The following CD99L2 variants were observed in gnomAD, a reference collection of about 807,000 sequenced individuals.
The protein encoded by CD99L2 is CD99 antigen-like protein 2.
Under a neutral mutation model 27.3 loss-of-function variants are expected in CD99L2, and 24 were observed. That is an observed-to-expected ratio of 0.88 (90% CI 0.64 to 1.24). The LOEUF is 1.24. Among genes scored for constraint, CD99L2 ranks in the 50% most tolerant of loss-of-function variants. The pLI is 0.00. For synonymous variants in CD99L2, 97 were observed against 87.9 expected, an observed-to-expected ratio of 1.10 and a Z score of -0.58; for missense variants, 255 against 221.6, an observed-to-expected ratio of 1.15 and a Z score of -0.96.
intron 6 of CD99L2, 107 bp downstream of exon 6, chrX:150,795,099 G>C: frequency 1.1e-6 from 1 of 879,009 alleles, no homozygotes; most frequent in Non-Finnish European, 1.7e-6. Flanking sequence ...ACCATTATAG[G>C]GTTCTCCAGT....
chrX:150,815,287 G>C (rs191303266), intron 3 of CD99L2, among the ~76,000 whole-genome samples: 2 of 112,192 alleles, frequency 1.8e-5, no homozygotes, highest in East Asian at 5.6e-4. Context: ...AGTCCATAAA[G>C]AGGACAACCA....
intron 4 of CD99L2, 140 bp downstream of exon 4, chrX:150,814,722 G>C (rs1378801266): frequency 8.4e-6 from 4 of 478,637 alleles, no homozygotes; most frequent in African/African-American, 2.4e-5. Context: ...AAAGGTTTGA[G>C]AACTACTGTT....
At chrX:150,847,891 C>G (rs1397562851) in intron 1 of CD99L2, among the ~76,000 whole-genome samples, 1 of 111,400 alleles carries the variant, frequency 9.0e-6, no homozygotes, top group Non-Finnish European at 1.9e-5. Flanking sequence ...CACTACCAAG[C>G]CAGGCAGCGA....
At chrX:150,846,716 C>A (rs1206094391) in intron 1 of CD99L2, among the ~76,000 whole-genome samples, 1 of 110,989 alleles carries the variant, frequency 9.0e-6, no homozygotes, top group East Asian at 2.8e-4. Context: ...AGAAAAAAGC[C>A]ACACTCTAAT....
At chrX:150,845,252 G>A (rs1557421440) in intron 1 of CD99L2, among the ~76,000 whole-genome samples, 1 of 111,559 alleles carries the variant, frequency 9.0e-6, no homozygotes, top group East Asian at 2.8e-4. Flanking sequence ...TGGAGTGGGT[G>A]CCAGGGGCTA....
At chrX:150,875,054 C>T (rs1204550620) in intron 1 of CD99L2, among the ~76,000 whole-genome samples, 1 of 111,724 alleles carries the variant, frequency 9.0e-6, no homozygotes, top group Non-Finnish European at 1.9e-5. Context: ...CCTCTTTCCT[C>T]CCTTGGCCTC....
intron 9 of CD99L2, among the ~76,000 whole-genome samples, chrX:150,774,470 A>T (rs1276658859): frequency 1.8e-5 from 2 of 111,836 alleles, no homozygotes; most frequent in Non-Finnish European, 3.8e-5. Context: ...GGCCGTGGGG[A>T]AGGCCATGTG....
chrX:150,846,198 G>GA (rs1437513554), intron 1 of CD99L2, among the ~76,000 whole-genome samples: 4 of 111,587 alleles, frequency 3.6e-5, no homozygotes, highest in African/African-American at 1.3e-4. Flanking sequence ...TCTCAAAAAA[G>GA]AAAAAATAAT....
At chrX:150,834,420 A>ATGCAGAGGT (rs1309262288) in intron 1 of CD99L2, among the ~76,000 whole-genome samples, 5 of 112,313 alleles carry the variant, frequency 4.5e-5, no homozygotes, top group African/African-American at 1.3e-4. Flanking sequence ...CGAACCAGAG[A>ATGCAGAGGT]TGCAGAGGTT....
At position 150,770,290 on chromosome X, in the gene CD99L2, T is replaced by G. The variant is rs782246702; in HGVS notation, c.721+14A>C. The G allele has an allele frequency of 6.7e-5, 81 of 1,203,855 alleles. No homozygotes were observed. In the South Asian group the frequency reaches 1.1e-3, roughly 17 times the overall value. Reference sequence around the variant, plus strand: ...GAAAGCGTCAGCAAGGGACAGTGAGTACAAAGTTCTCACCTTGGGGTTCCT... The same window carrying G: ...GAAAGCGTCAGCAAGGGACAGTGAGGACAAAGTTCTCACCTTGGGGTTCCT... On this transcript the variant is annotated intron_variant, in intron 10 of 10. Coordinates refer to ENST00000370377, the MANE Select transcript of CD99L2 (RefSeq NM_031462.4).
chrX:150,851,223 G>C (rs924085306), intron 1 of CD99L2, among the ~76,000 whole-genome samples: 1 of 111,895 alleles, frequency 8.9e-6, no homozygotes, highest in Non-Finnish European at 1.9e-5. Context: ...CTGTGCCTTC[G>C]AACTTGGGCA....
At chrX:150,846,718 C>A (rs1483105556) in intron 1 of CD99L2, among the ~76,000 whole-genome samples, 1 of 111,438 alleles carries the variant, frequency 9.0e-6, no homozygotes, top group Non-Finnish European at 1.9e-5. Flanking sequence ...AAAAAAGCCA[C>A]ACTCTAATCT....
chrX:150,847,315 C>G (rs1471473362), intron 1 of CD99L2, among the ~76,000 whole-genome samples: 2 of 111,719 alleles, frequency 1.8e-5, no homozygotes, highest in South Asian at 3.7e-4. Flanking sequence ...CAACTTTGTG[C>G]CTGTTTTTCA....
intron 1 of CD99L2, among the ~76,000 whole-genome samples, chrX:150,885,939 G>A (rs1213963887): frequency 8.9e-6 from 1 of 112,266 alleles, no homozygotes; most frequent in African/African-American, 3.2e-5. Context: ...TAAAAGAGAT[G>A]AGACGAGCCA....
chrX:150,874,820 C>T (rs186914832), intron 1 of CD99L2, among the ~76,000 whole-genome samples: 235 of 112,114 alleles, frequency 2.1e-3, no homozygotes, highest in Non-Finnish European at 3.6e-3. Context: ...TCTTCAATTT[C>T]GGTGTTCCCC....
intron 2 of CD99L2, 53 bp downstream of exon 2, chrX:150,831,178 A>T: frequency 1.1e-6 from 1 of 929,966 alleles, no homozygotes; most frequent in Non-Finnish European, 1.5e-6. Flanking sequence ...AGTGGATGAT[A>T]CACATTAATC....
chrX:150,783,986 G>A (rs2045556039), intron 7 of CD99L2, among the ~76,000 whole-genome samples: 1 of 111,606 alleles, frequency 9.0e-6, no homozygotes, highest in Non-Finnish European at 1.9e-5. Context: ...CTCTAGCTTT[G>A]AGCAGACTCA....
At chrX:150,885,330 C>G (rs115822757) in intron 1 of CD99L2, among the ~76,000 whole-genome samples, 2,908 of 110,856 alleles carry the variant, frequency 0.026, 102 homozygotes, top group African/African-American at 0.091. Context: ...TTCAGACAAG[C>G]CTGGGAAACA....
intron 2 of CD99L2, among the ~76,000 whole-genome samples, chrX:150,830,959 A>C (rs59043210): frequency 0.29 from 30,975 of 108,390 alleles, 3,595 homozygotes; most frequent in African/African-American, 0.42. Context: ...TAGGCATGCA[A>C]TACCACACCC....
Sources: allele counts gnomAD v4.1 joint callset (sites outside exome capture counted in the v4.1 genomes callset), GRCh38; gene constraint gnomAD v4.1.1; transcripts MANE v1.5; gene names NCBI Gene and HGNC (gene_info 2026-07-23, HGNC 2026-07-21).